The following VAT1L variants were observed in gnomAD, a reference collection of about 807,000 sequenced individuals.
VAT1L encodes putative NADPH-dependent quinone oxidoreductase VAT1L.
VAT1L carries 34 observed loss-of-function variants against 44.1 expected under a neutral mutation model. The observed-to-expected ratio is 0.77, with a 90% CI of 0.59 to 1.03. The LOEUF is 1.03. Ranked by LOEUF, VAT1L falls within the 50% of genes least tolerant of loss-of-function variation. The probability of loss-of-function intolerance (pLI) is 0.00; values close to 1 mark genes in which losing one functional copy is unlikely to be tolerated. For missense variants in VAT1L, 615 were observed against 538.8 expected, an observed-to-expected ratio of 1.14 and a Z score of -1.40; for synonymous variants, 253 against 202.2, an observed-to-expected ratio of 1.25 and a Z score of -2.13.
intron 3 of VAT1L, among the ~76,000 whole-genome samples, chr16:77,850,172 G>A (rs779196802): frequency 1.3e-5 from 2 of 152,286 alleles, no homozygotes. Flanking sequence ...CGTGTGTAGG[G>A]TACAGGCATT....
At chr16:77,837,207 G>A (rs1287588595) in intron 3 of VAT1L, among the ~76,000 whole-genome samples, 2 of 152,152 alleles carry the variant, frequency 1.3e-5, no homozygotes, top group Non-Finnish European at 2.9e-5. Context: ...CGTGAGTTAA[G>A]GATTGCCTGG....
intron 3 of VAT1L, among the ~76,000 whole-genome samples, chr16:77,858,924 T>G (rs888021897): frequency 6.6e-6 from 1 of 151,492 alleles, no homozygotes; most frequent in East Asian, 1.9e-4. Context: ...TCACCTGAGG[T>G]CAGGAGTTCG....
intron 4 of VAT1L, among the ~76,000 whole-genome samples, 169 bp downstream of exon 4, chr16:77,863,059 C>A (rs1379587315): frequency 6.6e-6 from 1 of 152,148 alleles, no homozygotes; most frequent in Non-Finnish European, 1.5e-5. Flanking sequence ...TTCATTTAAT[C>A]CTCTTAACCT....
intron 7 of VAT1L, among the ~76,000 whole-genome samples, chr16:77,968,508 A>C (rs1450973122): frequency 1.3e-5 from 2 of 152,164 alleles, no homozygotes; most frequent in African/African-American, 2.4e-5. Flanking sequence ...GGCGGATCAC[A>C]AAGTCAGGAG....
Position 77,825,866 on chromosome 16 carries a change from A to AAT in VAT1L, c.579+406_579+407insTA, listed in dbSNP as rs1555513066. Among the ~76,000 whole-genome samples, 16 of 150,304 alleles carry AAT rather than the reference A, an allele frequency of 1.1e-4. 1 individual carries two copies. The South Asian group carries it at 2.8e-3, about 26-fold the overall frequency. On this transcript the variant is annotated intron_variant, in intron 3 of 8. Transcript: ENST00000302536. ...CCCGTCTCTACTAAAAATAAAAAAAAAAAAAAATTAGCCGGGCGTAGTGGC... is the reference window on the plus strand; with the variant it reads ...CCCGTCTCTACTAAAAATAAAAAAAAATAAAAAAATTAGCCGGGCGTAGTGGC...
intron 7 of VAT1L, among the ~76,000 whole-genome samples, chr16:77,958,587 T>A (rs914910113): frequency 6.6e-6 from 1 of 152,212 alleles, no homozygotes; most frequent in Non-Finnish European, 1.5e-5. Flanking sequence ...AGATTTTTTT[T>A]TCCCTCTGCT....
intron 7 of VAT1L, among the ~76,000 whole-genome samples, chr16:77,951,160 C>G (rs1241761360): frequency 6.6e-6 from 1 of 152,192 alleles, no homozygotes; most frequent in Non-Finnish European, 1.5e-5. Context: ...AAAGTCCAGA[C>G]GGTATGCAAC....
At chr16:77,805,755 T>C (rs965004055) in intron 1 of VAT1L, among the ~76,000 whole-genome samples, 2 of 151,942 alleles carry the variant, frequency 1.3e-5, no homozygotes, top group African/African-American at 4.8e-5. Context: ...CACAGACACA[T>C]AGAAAGCCCT....
chr16:77,806,720 A>G (rs369482789), intron 1 of VAT1L, among the ~76,000 whole-genome samples: 1 of 152,106 alleles, frequency 6.6e-6, no homozygotes, highest in East Asian at 1.9e-4. Flanking sequence ...TACTTTTATC[A>G]TATCTTTTAT....
At chr16:77,845,408 G>T (rs528305267) in intron 3 of VAT1L, among the ~76,000 whole-genome samples, 102 of 152,230 alleles carry the variant, frequency 6.7e-4, no homozygotes, top group African/African-American at 2.3e-3. Context: ...TCTCAGAGGG[G>T]CCCCACTAGA....
chr16:77,910,947 G>A (rs1437165368), intron 7 of VAT1L, among the ~76,000 whole-genome samples: 1 of 152,180 alleles, frequency 6.6e-6, no homozygotes, highest in Non-Finnish European at 1.5e-5. Flanking sequence ...TGAGGCAAAA[G>A]AATAGAGAGA....
At chr16:77,816,578 A>G (rs2016358782) in intron 1 of VAT1L, among the ~76,000 whole-genome samples, 1 of 152,208 alleles carries the variant, frequency 6.6e-6, no homozygotes. Context: ...GAACTCTGAT[A>G]GCCAGGCTAG....
intron 7 of VAT1L, among the ~76,000 whole-genome samples, chr16:77,954,248 G>GTTGT (rs2018077011): frequency 6.6e-6 from 1 of 152,210 alleles, no homozygotes; most frequent in Non-Finnish European, 1.5e-5. Context: ...AGTGAAAAGG[G>GTTGT]TTGTAGTCAC....
At chr16:77,880,879 T>G (rs749181453) in intron 6 of VAT1L, among the ~76,000 whole-genome samples, 2 of 152,204 alleles carry the variant, frequency 1.3e-5, no homozygotes, top group East Asian at 3.9e-4. Flanking sequence ...TTAATTTGAT[T>G]AGGAAAATGA....
chr16:77,951,928 T>G (rs1451893429), intron 7 of VAT1L, among the ~76,000 whole-genome samples: 1 of 152,078 alleles, frequency 6.6e-6, no homozygotes, highest in African/African-American at 2.4e-5. Context: ...CTCAATTCCT[T>G]TGAAACAAAA....
intron 4 of VAT1L, among the ~76,000 whole-genome samples, chr16:77,867,198 ACTC>A (rs1385071402): frequency 6.6e-6 from 1 of 151,486 alleles, no homozygotes; most frequent in East Asian, 2.0e-4. Flanking sequence ...ATTCTGCAAA[ACTC>A]CTCTTGGTTT....
At chr16:77,831,355 T>C (rs1191905877) in intron 3 of VAT1L, among the ~76,000 whole-genome samples, 2 of 152,192 alleles carry the variant, frequency 1.3e-5, no homozygotes, top group Non-Finnish European at 2.9e-5. Context: ...GGGAGAGGTT[T>C]CTTTATATTC....
intron 7 of VAT1L, among the ~76,000 whole-genome samples, chr16:77,888,368 G>C (rs989592134): frequency 2.1e-4 from 32 of 152,180 alleles, no homozygotes; most frequent in African/African-American, 7.7e-4. Context: ...GCATGGAATA[G>C]GTGCTCAGTA....
intron 4 of VAT1L, among the ~76,000 whole-genome samples, chr16:77,871,701 C>T (rs1233816657): frequency 6.6e-6 from 1 of 152,128 alleles, no homozygotes; most frequent in African/African-American, 2.4e-5. Context: ...TGGCATGAGG[C>T]ATAAATGTAG....
Sources: allele counts gnomAD v4.1 joint callset (sites outside exome capture counted in the v4.1 genomes callset), GRCh38; gene constraint gnomAD v4.1.1; transcripts MANE v1.5; gene names NCBI Gene and HGNC (gene_info 2026-07-23, HGNC 2026-07-21).